Variants in ABCA13 observed in about 807,000 individuals in gnomAD.
ABCA13 encodes ATP-binding cassette sub-family A member 13.
ABCA13 carries 476 observed loss-of-function variants against 478.7 expected under a neutral mutation model. The ratio of observed to expected loss-of-function variants is 0.99; its 90% CI spans 0.92 to 1.07. ABCA13 has a LOEUF of 1.07. Among genes scored for constraint, ABCA13 ranks in the 50% least tolerant of loss-of-function variants. The pLI is 0.00. For synonymous variants in ABCA13, 2,252 were observed against 2,158.9 expected, an observed-to-expected ratio of 1.04 and a Z score of -1.20; for missense variants, 6,060 against 5,910.6, an observed-to-expected ratio of 1.03 and a Z score of -0.83.
chr7:48,457,619 T>G (rs10237159), intron 43 of ABCA13, among the ~76,000 whole-genome samples: 28,602 of 152,208 alleles, frequency 0.19, 3,116 homozygotes, highest in African/African-American at 0.29. Context: ...CTATTTTAAA[T>G]TGAGATATTG....
intron 15 of ABCA13, among the ~76,000 whole-genome samples, chr7:48,268,152 A>C (rs1212526419): frequency 1.3e-5 from 2 of 151,982 alleles, no homozygotes. Flanking sequence ...CCTTTAAAAA[A>C]ATTATTTATT....
chr7:48,359,748 A>G (rs908828091), intron 31 of ABCA13, among the ~76,000 whole-genome samples: 1 of 151,952 alleles, frequency 6.6e-6, no homozygotes, highest in African/African-American at 2.4e-5. Flanking sequence ...AAAACAAAAA[A>G]CAGACAACAA....
At chr7:48,310,275 C>T (rs1198935934) in intron 24 of ABCA13, 134 bp downstream of exon 24, 3 of 958,842 alleles carry the variant, frequency 3.1e-6, no homozygotes, top group Admixed American at 2.4e-5. Flanking sequence ...CTCCACCAGC[C>T]TCTGGTGTCA....
chr7:48,215,285 A>T (rs1426711732), intron 3 of ABCA13, among the ~76,000 whole-genome samples: 2 of 152,166 alleles, frequency 1.3e-5, no homozygotes, highest in African/African-American at 4.8e-5. Flanking sequence ...AGGAAGAGAG[A>T]TGGGGGAATG....
At chr7:48,536,303 C>T (rs1833577635) in intron 55 of ABCA13, among the ~76,000 whole-genome samples, 1 of 152,058 alleles carries the variant, frequency 6.6e-6, no homozygotes, top group Non-Finnish European at 1.5e-5. Flanking sequence ...CTAATGTAGA[C>T]ATTATTTTGT....
chr7:48,426,713 G>T (rs1220033252), intron 41 of ABCA13, among the ~76,000 whole-genome samples: 1 of 152,200 alleles, frequency 6.6e-6, no homozygotes, highest in African/African-American at 2.4e-5. Flanking sequence ...CTAAGGGAGA[G>T]AGTGGCAATG....
chr7:48,499,739 G>C (rs1314412620), intron 48 of ABCA13, among the ~76,000 whole-genome samples: 2 of 152,174 alleles, frequency 1.3e-5, no homozygotes, highest in East Asian at 3.9e-4. Context: ...AACTTGTGAA[G>C]TAATGTCGTA....
chr7:48,607,827 A>C (rs778451481), intron 58 of ABCA13, among the ~76,000 whole-genome samples: 1 of 152,128 alleles, frequency 6.6e-6, no homozygotes, highest in Non-Finnish European at 1.5e-5. Context: ...GCCTGAGATA[A>C]ATCTGTGAAA....
intron 45 of ABCA13, among the ~76,000 whole-genome samples, chr7:48,474,377 G>A (rs2130377637): frequency 6.6e-6 from 1 of 152,218 alleles, no homozygotes; most frequent in African/African-American, 2.4e-5. Context: ...AGAGAAATTA[G>A]GTTCTCTCTA....
chr7:48,364,229 T>G (rs1434659142), intron 31 of ABCA13, among the ~76,000 whole-genome samples: 1 of 152,194 alleles, frequency 6.6e-6, no homozygotes, highest in African/African-American at 2.4e-5. Flanking sequence ...TCTGTTTCCC[T>G]GGAAATAGGG....
chr7:48,463,387 C>T (rs986981908), intron 43 of ABCA13, among the ~76,000 whole-genome samples: 2 of 152,142 alleles, frequency 1.3e-5, no homozygotes, highest in African/African-American at 4.8e-5. Context: ...GCTTCCTATA[C>T]TCTCTCTCAT....
Position 48,245,857 on chromosome 7 carries a change from T to G in ABCA13, c.1492-6T>G, listed in dbSNP as rs750516204. ...TTACTCCTTCCCACTCTTATTAATC[T>G]TTTAGATGTTGGCGAAGAATGCTGT... On this transcript the variant is annotated splice_polypyrimidine_tract_variant and splice_region_variant and intron_variant, in intron 12 of 61. Transcript: ENST00000435803. 3.1e-6 allele frequency: 5 copies of G among 1,609,554 alleles called. No individual in the cohort carries two copies. The South Asian group carries it at 3.3e-5, about 11-fold the overall frequency.
At chr7:48,430,672 TAAAAAAAAA>T (rs36121642) in intron 42 of ABCA13, among the ~76,000 whole-genome samples, 1 of 122,840 alleles carries the variant, frequency 8.1e-6, no homozygotes, top group Non-Finnish European at 1.7e-5. Flanking sequence ...AGACTCCGTC[TAAAAAAAAA>T]AAAAAAAAAG....
At chr7:48,364,076 G>A (rs557446273) in intron 31 of ABCA13, among the ~76,000 whole-genome samples, 1 of 152,144 alleles carries the variant, frequency 6.6e-6, no homozygotes, top group East Asian at 1.9e-4. Context: ...GGATATTCCT[G>A]TCCAGGTATC....
intron 8 of ABCA13, among the ~76,000 whole-genome samples, chr7:48,235,477 T>C (rs966302420): frequency 1.8e-4 from 28 of 152,242 alleles, no homozygotes; most frequent in African/African-American, 5.8e-4. Flanking sequence ...CAGAGCTCCA[T>C]GGAAATTGTA....
intron 13 of ABCA13, 82 bp from the exon 14 acceptor site, chr7:48,248,157 A>G: frequency 3.4e-6 from 4 of 1,189,318 alleles, no homozygotes; most frequent in Non-Finnish European, 4.8e-6. Flanking sequence ...TTGTTTAGTG[A>G]TACAGGGTCA....
chr7:48,281,020 G>A (rs888033712), intron 18 of ABCA13, among the ~76,000 whole-genome samples: 1 of 152,118 alleles, frequency 6.6e-6, no homozygotes, highest in Non-Finnish European at 1.5e-5. Flanking sequence ...TTATACCTTA[G>A]CTCTTCATAC....
In ABCA13 at chr7:48,275,506, C is replaced by T. The variant is rs916495425; in HGVS notation, c.5840C>T (p.Ser1947Phe). 3 of 1,613,800 alleles carry T rather than the reference C, an allele frequency of 1.9e-6. No homozygotes were observed. The highest frequency in any genetic ancestry group is 2.2e-5 in the South Asian group (2 of 91,074). ...ATCTCTGAACTCTGTCCTAGTGGTT[C>T]CATAAAGCAAGTTGCTTTGCAAATC... ...DSISELCPSG[S>F]IKQVALQIIE... is the part of the protein sequence containing the mutation. Residue 1947 changes from serine to phenylalanine, a missense_variant, in exon 17 of 62, where the codon TCC becomes TTC. Ser to Phe is a radical substitution (Grantham distance 155). Transcript: ENST00000435803.
chr7:48,233,327 G>A (rs939747547), intron 7 of ABCA13, among the ~76,000 whole-genome samples: 2 of 152,170 alleles, frequency 1.3e-5, no homozygotes, highest in Non-Finnish European at 2.9e-5. Flanking sequence ...GAAGGTTCAA[G>A]ATTCAAACAC....
Sources: gnomAD v4.1 joint callset for allele counts (sites outside exome capture counted in the v4.1 genomes callset) on GRCh38, gnomAD v4.1.1 for gene constraint, MANE v1.5 for transcripts, NCBI Gene and HGNC (gene_info 2026-07-23, HGNC 2026-07-21) for gene names.